The following ANKS6 variants were observed in gnomAD, a reference collection of about 807,000 sequenced individuals.
The protein encoded by ANKS6 is ankyrin repeat and SAM domain-containing protein 6.
Under a neutral mutation model 77.9 loss-of-function variants are expected in ANKS6, and 47 were observed. The observed-to-expected ratio is 0.60, with a 90% confidence interval of 0.48 to 0.77. The LOEUF (loss-of-function observed/expected upper bound fraction) is 0.77, where lower values mean the gene tolerates loss of function less well. Among genes scored for constraint, ANKS6 ranks in the 30% least tolerant of loss-of-function variants. The pLI, the probability that ANKS6 is intolerant of heterozygous loss-of-function variation, is 0.00. For missense variants in ANKS6, 1,150 were observed against 1,159.1 expected, an observed-to-expected ratio of 0.99 and a Z score of 0.11; for synonymous variants, 488 against 501.7, an observed-to-expected ratio of 0.97 and a Z score of 0.37.
intron 10 of ANKS6, 129 bp from the exon 11 acceptor site, chr9:98,768,379 G>C: frequency 9.1e-7 from 1 of 1,099,000 alleles, no homozygotes; most frequent in Non-Finnish European, 1.3e-6. Flanking sequence ...GTGGCTCCAG[G>C]ACAGGACTGA....
rs1204697645 is a variant in ANKS6, at chr9:98,780,285, G to A, written c.1272C>T (p.Asp424=). The change falls in exon 6 of 15, where the codon GAC becomes GAT. Residue 424 remains aspartate (D), a synonymous_variant. Transcript: ENST00000353234. ...LASVCMQVNK[D]KGRPSHQPPL... is the part of the protein sequence containing the mutation. The stretch of plus-strand genomic sequence containing the variant: ...GAGGCTGGTGGCTCGGCCGGCCTTT[G>A]TCTTTATTCACCTGCATGCAGACAG... 9 of 1,610,856 alleles carry A rather than the reference G, an allele frequency of 5.6e-6. No homozygotes were observed. The highest frequency in any genetic ancestry group is 1.3e-5 in the African/African-American group (1 of 75,042).
At position 98,735,154 on chromosome 9, in the gene ANKS6, G is replaced by T; in HGVS notation, c.*1365C>A. On this transcript the variant is annotated 3_prime_UTR_variant, in exon 15 of 15. Transcript: ENST00000353234. ...CGACTGGGTACTTCCTGCAGACCCA[G>T]CACTTTGGGCATACTGGTTCTAAGC... is the stretch of plus-strand genomic sequence containing the variant. 4 of 985,466 alleles carry T rather than the reference G, an allele frequency of 4.1e-6. No homozygotes were observed. Among genetic ancestry groups the T allele is most frequent in the Non-Finnish European group, 4.8e-6 (4 of 829,960 alleles). The allele number at this position is 985,466 out of a possible 1,614,324, so 61.0% of individuals were successfully genotyped here.
chr9:98,739,905 G>T (rs375378939), intron 14 of ANKS6, among the ~76,000 whole-genome samples: 2 of 151,312 alleles, frequency 1.3e-5, no homozygotes, highest in Admixed American at 1.3e-4. Flanking sequence ...ACAGGCGCCC[G>T]CCACCTCACC....
intron 1 of ANKS6, among the ~76,000 whole-genome samples, chr9:98,793,471 G>C (rs1306640021): frequency 1.3e-5 from 2 of 152,154 alleles, no homozygotes; most frequent in East Asian, 3.9e-4. Context: ...AAAGCACTTA[G>C]CACAGTGCTT....
intron 1 of ANKS6, 143 bp from the exon 2 acceptor site, chr9:98,790,749 C>CTGG: frequency 8.5e-7 from 1 of 1,170,366 alleles, no homozygotes; most frequent in Non-Finnish European, 1.2e-6. Context: ...ACTGTGCCAG[C>CTGG]CACATGGATG....
intron 14 of ANKS6, among the ~76,000 whole-genome samples, chr9:98,740,785 T>G (rs1173258258): frequency 6.6e-6 from 1 of 152,054 alleles, no homozygotes; most frequent in Admixed American, 6.5e-5. Context: ...CTGATAATTC[T>G]CAAAAGGAAA....
intron 11 of ANKS6, among the ~76,000 whole-genome samples, chr9:98,758,399 C>T (rs1208277805): frequency 1.4e-5 from 2 of 147,546 alleles, no homozygotes; most frequent in African/African-American, 5.0e-5. Flanking sequence ...CTAAGCTCAT[C>T]TTATGTTTCT....
intron 11 of ANKS6, among the ~76,000 whole-genome samples, chr9:98,760,680 A>T (rs1052445744): frequency 1.3e-5 from 2 of 152,218 alleles, no homozygotes; most frequent in Non-Finnish European, 2.9e-5. Flanking sequence ...TCTTTCACTC[A>T]GCATGATGCC....
chr9:98,760,054 T>C (rs1468028805), intron 11 of ANKS6, among the ~76,000 whole-genome samples: 2 of 152,100 alleles, frequency 1.3e-5, no homozygotes, highest in Admixed American at 6.5e-5. Context: ...GATCACTATA[T>C]AGTATATGTA....
Position 98,790,516 on chromosome 9 carries a change from C to T in ANKS6, c.450G>A (p.Val150=). 6.2e-7 allele frequency: 1 copy of T among 1,613,660 alleles called. No homozygotes were observed. Among genetic ancestry groups the T allele is most frequent in the Non-Finnish European group, 8.5e-7 (1 of 1,179,980 alleles). Residue 150 remains valine, a synonymous_variant, in exon 2 of 15, where the codon GTG becomes GTA. Transcript: ENST00000353234. ...CACCCAGGTGGCCGCCCCGAGAAGC[C>T]ACAGTGAGCACACTGGCCCCCAGCC... ...QNRLGASVLT[V]ASRGGHLGVV...
At chr9:98,757,730 C>T (rs2117938158) in intron 11 of ANKS6, among the ~76,000 whole-genome samples, 1 of 152,192 alleles carries the variant, frequency 6.6e-6, no homozygotes, top group South Asian at 2.1e-4. Context: ...AGTTCAAGAG[C>T]AGCCTAGCCA....
chr9:98,734,366 A>C lies in ANKS6; in HGVS notation c.*2153T>G. On this transcript the variant is annotated 3_prime_UTR_variant, in exon 15 of 15. Transcript: ENST00000353234. ...CCGGTGCAGCTGTGTATCATTGTTCAATCAAACTTACCTGAGTGGAAGCTA... is the reference window on the plus strand; with the variant it reads ...CCGGTGCAGCTGTGTATCATTGTTCCATCAAACTTACCTGAGTGGAAGCTA... 1 of 985,500 alleles carries C rather than the reference A, an allele frequency of 1.0e-6. No individual in the cohort carries two copies. Among genetic ancestry groups the C allele is most frequent in the South Asian group, 4.7e-5 (1 of 21,282 alleles). 61.0% of individuals were successfully genotyped at this position (985,500 alleles called of 1,614,324 possible).
intron 2 of ANKS6, among the ~76,000 whole-genome samples, chr9:98,786,180 T>C (rs1834554293): frequency 6.6e-6 from 1 of 152,174 alleles, no homozygotes; most frequent in Admixed American, 6.5e-5. Flanking sequence ...GGTTTTGCCA[T>C]GTTGGCCAGG....
intron 13 of ANKS6, among the ~76,000 whole-genome samples, chr9:98,747,975 T>C (rs1771619857): frequency 6.6e-6 from 1 of 152,184 alleles, no homozygotes; most frequent in Admixed American, 6.5e-5. Flanking sequence ...TCCTGCTCCC[T>C]CTTCCCAGAT....
Position 98,735,459 on chromosome 9 carries a change from A to G in ANKS6, c.*1060T>C. 8.2e-7 allele frequency: 1 copy of G among 1,212,810 alleles called. No homozygotes were observed. Among genetic ancestry groups the G allele is most frequent in the Non-Finnish European group, 1.0e-6 (1 of 977,056 alleles). The allele number at this position is 1,212,810 out of a possible 1,614,324, so 75.1% of individuals were successfully genotyped here. On this transcript the variant is annotated 3_prime_UTR_variant, in exon 15 of 15. Transcript: ENST00000353234. ...CAGGGCCCCTCTAATTTAATAAAAT[A>G]TGATATGGTAGGAAACTACACAAGC...
intron 13 of ANKS6, among the ~76,000 whole-genome samples, chr9:98,750,438 G>T (rs960912082): frequency 6.6e-6 from 1 of 152,272 alleles, no homozygotes; most frequent in East Asian, 1.9e-4. Flanking sequence ...CATTTGGGTC[G>T]TATCCACAGT....
chr9:98,733,555 A>C lies in ANKS6; in HGVS notation c.*2964T>G. ...CCACCAAGGGCCCTGACCCACTTCC[A>C]GGGCTGCAAGGCCTCTTGGTTGCCG... On this transcript the variant is annotated 3_prime_UTR_variant, in exon 15 of 15. Transcript: ENST00000353234. 3.0e-6 allele frequency: 3 copies of C among 985,486 alleles called. No individual in the cohort carries two copies. The highest frequency in any genetic ancestry group is 3.6e-6 in the Non-Finnish European group (3 of 829,956). 61.0% of individuals were successfully genotyped at this position (985,486 alleles called of 1,614,324 possible). A position where few individuals can be genotyped will look rare whatever the true frequency, so the allele number is the denominator to read the frequency against.
chr9:98,752,417 TTCCCTCCTTCCC>T (rs1832480717), intron 12 of ANKS6, among the ~76,000 whole-genome samples: 3 of 152,146 alleles, frequency 2.0e-5, no homozygotes, highest in African/African-American at 7.2e-5. Flanking sequence ...CCAACCTTCC[TTCCCTCCTTCCC>T]TCCCTCTTTC....
At chr9:98,757,857 G>A (rs1025908950) in intron 11 of ANKS6, among the ~76,000 whole-genome samples, 1 of 152,134 alleles carries the variant, frequency 6.6e-6, no homozygotes, top group African/African-American at 2.4e-5. Context: ...GAACCCGGGA[G>A]GCAGAGGTTG....
Sources: gnomAD v4.1 joint callset for allele counts (sites outside exome capture counted in the v4.1 genomes callset) on GRCh38, gnomAD v4.1.1 for gene constraint, MANE v1.5 for transcripts, NCBI Gene and HGNC (gene_info 2026-07-23, HGNC 2026-07-21) for gene names.